The following CACNA1C variants were observed in gnomAD, a reference collection of about 807,000 sequenced individuals.
The protein encoded by CACNA1C is calcium voltage-gated channel subunit alpha1 C, also known as voltage-dependent L-type calcium channel subunit alpha-1C.
CACNA1C carries 30 observed loss-of-function variants against 229.0 expected under a neutral mutation model. The ratio of observed to expected loss-of-function variants is 0.13; its 90% CI spans 0.10 to 0.18. The LOEUF is 0.18. CACNA1C is among the 10% of genes least tolerant of loss of function. The probability of loss-of-function intolerance (pLI) is 1.00; values close to 1 mark genes in which losing one functional copy is unlikely to be tolerated. For missense variants in CACNA1C, 1,658 were observed against 2,845.0 expected (o/e 0.58, Z 9.49); for synonymous variants, 1,114 against 1,132.5 (o/e 0.98, Z 0.33).
chr12:2,594,994 C>T (rs2067417717), intron 19 of CACNA1C, among the ~76,000 whole-genome samples: 1 of 152,218 alleles, frequency 6.6e-6, no homozygotes, highest in Admixed American at 6.5e-5. Flanking sequence ...GTAGCCTCAG[C>T]TCAGTGGAGG....
At chr12:2,476,050 T>C (rs2239085) in intron 5 of CACNA1C, among the ~76,000 whole-genome samples, 110,037 of 152,204 alleles carry the variant, frequency 0.72, 40,144 homozygotes, top group East Asian at 0.87. Context: ...CAGGTAGCTA[T>C]ATCATTGGCA....
intron 3 of CACNA1C, among the ~76,000 whole-genome samples, chr12:2,380,114 G>C (rs919422156): frequency 4.0e-5 from 6 of 151,870 alleles, no homozygotes; most frequent in African/African-American, 7.3e-5. Flanking sequence ...TGATGGTCAA[G>C]TCAGCTTAAG....
intron 1 of CACNA1C, among the ~76,000 whole-genome samples, chr12:2,082,790 C>T (rs753780003): frequency 2.6e-4 from 40 of 152,264 alleles, no homozygotes; most frequent in Non-Finnish European, 4.7e-4. Context: ...GGATGTCTTG[C>T]GTTCAAGGAA....
chr12:2,235,356 T>C (rs1453112683), intron 3 of CACNA1C, among the ~76,000 whole-genome samples: 1 of 152,126 alleles, frequency 6.6e-6, no homozygotes, highest in East Asian at 1.9e-4. Context: ...ACACAGATTT[T>C]CTCCCCTCTG....
At chr12:2,107,003 G>A (rs1437643538) in intron 1 of CACNA1C, among the ~76,000 whole-genome samples, 4 of 106,766 alleles carry the variant, frequency 3.7e-5, no homozygotes, top group African/African-American at 1.3e-4. Flanking sequence ...GTGTCCTGAA[G>A]CCACTGGGTG....
intron 43 of CACNA1C, among the ~76,000 whole-genome samples, chr12:2,684,182 G>C (rs1459708278): frequency 1.3e-5 from 2 of 152,184 alleles, no homozygotes; most frequent in African/African-American, 4.8e-5. Context: ...AGTAGCAGAA[G>C]CACCTCCTTT....
At chr12:2,255,455 A>G (rs2077081485) in intron 3 of CACNA1C, among the ~76,000 whole-genome samples, 1 of 152,124 alleles carries the variant, frequency 6.6e-6, no homozygotes, top group African/African-American at 2.4e-5. Context: ...GAAGGAAGAG[A>G]TGTCTGAACT....
exon 1 of CACNA1C, chr12:1,970,891 T>C: frequency 3.2e-6 from 1 of 309,018 alleles, no homozygotes; most frequent in South Asian, 2.9e-5. Context: ...TTAAAAGGAA[T>C]TTTACTGTAA....
chr12:2,345,587 C>T (rs1468824354), intron 3 of CACNA1C, among the ~76,000 whole-genome samples: 1 of 152,218 alleles, frequency 6.6e-6, no homozygotes, highest in East Asian at 1.9e-4. Flanking sequence ...AGAAACTTCT[C>T]TAAAATTGTA....
chr12:2,435,297 C>T (rs928115418), intron 3 of CACNA1C, among the ~76,000 whole-genome samples: 5 of 152,226 alleles, frequency 3.3e-5, no homozygotes, highest in Admixed American at 1.3e-4. Flanking sequence ...CTGCCGATTA[C>T]CAGCAGGGCT....
chr12:2,414,821 G>A (rs972349413), intron 3 of CACNA1C, among the ~76,000 whole-genome samples: 28 of 152,200 alleles, frequency 1.8e-4, no homozygotes, highest in African/African-American at 6.3e-4. Context: ...TAGCCAGAGG[G>A]CAGTCAGGTG....
intron 9 of CACNA1C, among the ~76,000 whole-genome samples, chr12:2,516,361 T>C (rs1263334947): frequency 6.6e-6 from 1 of 152,134 alleles, no homozygotes; most frequent in Non-Finnish European, 1.5e-5. Context: ...AGAACTTGGC[T>C]CTTACTGGGA....
At position 2,608,807 on chromosome 12, in the gene CACNA1C, C is replaced by T. The variant is rs377248110; in HGVS notation, c.3558+95C>T. 58 of 1,196,434 alleles carry T rather than the reference C, an allele frequency of 4.8e-5. No individual in the cohort carries two copies. In the African/African-American group the frequency reaches 6.3e-4, roughly 13 times the overall value. The allele number at this position is 1,196,434 out of a possible 1,614,324, so 74.1% of individuals were successfully genotyped here. Reference sequence around the variant, plus strand: ...CAGAGGGGCTGCGACAGGGAGAGGCCGTGCAGATACTGAGATCGTCTCTCT... The same window carrying T: ...CAGAGGGGCTGCGACAGGGAGAGGCTGTGCAGATACTGAGATCGTCTCTCT... On this transcript the variant is annotated intron_variant, in intron 27 of 46. Transcript: ENST00000399655. The surrounding 1 kb of genome is among the most constrained non-coding windows in gnomAD (Gnocchi z 4.2).
intron 3 of CACNA1C, among the ~76,000 whole-genome samples, chr12:2,282,999 G>A (rs1283143864): frequency 6.6e-6 from 1 of 151,762 alleles, no homozygotes; most frequent in Non-Finnish European, 1.5e-5. Context: ...AGGAAGGAGT[G>A]GAGCCAATAA....
At position 2,605,629 on chromosome 12, in the gene CACNA1C, C is replaced by T. The variant is rs1293074020; in HGVS notation, c.3049-50C>T. The T allele has an allele frequency of 3.6e-6, 5 of 1,381,886 alleles. No homozygotes were observed. In the Admixed American group the frequency reaches 6.7e-5, roughly 19 times the overall value. The allele number at this position is 1,381,886 out of a possible 1,614,324, so 85.6% of individuals were successfully genotyped here. A position where few individuals can be genotyped will look rare whatever the true frequency, so the allele number is the denominator to read the frequency against. On this transcript the variant is annotated intron_variant, in intron 23 of 46. Coordinates refer to ENST00000399655, the MANE Select transcript of CACNA1C (RefSeq NM_000719.7). This position sits in a 1 kb window ranked among gnomAD's most constrained non-coding sequence, Gnocchi z 6.2. ...GCCCCTGCTACCTCCTGGAAAGGCT[C>T]CTGGCATCTCCTGAAGCCACGTCCC...
chr12:2,585,440 G>A lies in CACNA1C; in HGVS notation c.2404G>A (p.Glu802Lys), dbSNP rs1555835003. ...EKPAVGESKEEKIELKSITAD... is the reference protein window; with the variant it reads ...EKPAVGESKEKKIELKSITAD... ...GCCGGCAGTGGGGGAATCCAAGGAGGAGAAGATTGAGCTGAAATCCATCAC... is the reference window on the plus strand; with the variant it reads ...GCCGGCAGTGGGGGAATCCAAGGAGAAGAAGATTGAGCTGAAATCCATCAC... The change falls in exon 17 of 47, where the codon GAG (glutamate) becomes AAG (lysine). Residue 802 changes from glutamate to lysine, a missense_variant. This residue lies in a region of CACNA1C where 121 missense variants were observed against 128.8 expected (regional missense o/e 0.94). Coordinates refer to ENST00000399655, the MANE Select transcript of CACNA1C (RefSeq NM_000719.7). This position sits in a 1 kb window ranked among gnomAD's most constrained non-coding sequence, Gnocchi z 4.1. 4.4e-6 allele frequency: 7 copies of A among 1,602,340 alleles called. No individual in the cohort carries two copies. The highest frequency in any genetic ancestry group is 1.1e-5 in the South Asian group (1 of 89,444).
At chr12:2,445,682 C>T (rs548665168) in intron 3 of CACNA1C, among the ~76,000 whole-genome samples, 2 of 152,108 alleles carry the variant, frequency 1.3e-5, no homozygotes, top group South Asian at 2.1e-4. Flanking sequence ...CACCACACCC[C>T]GCGACCCATG....
rs755287470 is a variant in CACNA1C at position 2,605,062 on chromosome 12, G to T, written c.2961-19G>T. On this transcript the variant is annotated intron_variant, in intron 22 of 46. Transcript: ENST00000399655. The surrounding 1 kb of genome is among the most constrained non-coding windows in gnomAD (Gnocchi z 6.2). ...AGAAACAGGAGGAGCTTACTACCCT[G>T]CCTGTTTCCCTCTCCCAGGTCCAGT... 6.3e-7 allele frequency: 1 copy of T among 1,594,450 alleles called. No homozygotes were observed. Among genetic ancestry groups the T allele is most frequent in the Non-Finnish European group, 8.6e-7 (1 of 1,162,100 alleles).
At chr12:2,193,888 T>C (rs2097316636) in intron 3 of CACNA1C, among the ~76,000 whole-genome samples, 1 of 152,178 alleles carries the variant, frequency 6.6e-6, no homozygotes, top group African/African-American at 2.4e-5. Context: ...TCTGTCTTGG[T>C]ATTGAAGACA....
Sources: gnomAD v4.1 joint callset for allele counts (sites outside exome capture counted in the v4.1 genomes callset) on GRCh38, gnomAD v4.1.1 for gene constraint, gnomAD v4.1.1 regional missense constraint, Gnocchi (gnomAD v3.1) non-coding constraint, MANE v1.5 for transcripts, NCBI Gene and HGNC (gene_info 2026-07-23, HGNC 2026-07-21) for gene names.